ARL15: variants seen among roughly 807,000 people sequenced by gnomAD.
ARL15 encodes ARF like GTPase 15.
A neutral mutation model predicts 25.2 loss-of-function variants in ARL15; 19 were observed. The observed-to-expected ratio is 0.75, with a 90% CI of 0.53 to 1.10. The LOEUF (loss-of-function observed/expected upper bound fraction) is 1.10, where lower values mean the gene tolerates loss of function less well. Among genes scored for constraint, ARL15 ranks in the 50% least tolerant of loss-of-function variants. ARL15 has a pLI of 0.00. For missense variants in ARL15, 220 were observed against 246.0 expected (o/e 0.89, Z 0.71); for synonymous variants, 94 against 86.8 (o/e 1.08, Z -0.46).
chr5:54,136,950 T>C (rs990497010), intron 3 of ARL15, among the ~76,000 whole-genome samples: 3 of 152,030 alleles, frequency 2.0e-5, no homozygotes, highest in African/African-American at 7.2e-5. Context: ...ACTACACTCT[T>C]GCCTGCCAGT....
Position 54,310,532 on chromosome 5 carries a change from G to C in ARL15, c.-53C>G, listed in dbSNP as rs1758871191. On this transcript the variant is annotated 5_prime_UTR_variant, in exon 1 of 5. Transcript: ENST00000504924. ...TCCGAACCCGGAAAAAAAAAGCAGC[G>C]TCTCTGGCTGCGAGCGAGCAGCTCC... 4.5e-6 allele frequency: 7 copies of C among 1,551,552 alleles called. No homozygotes were observed. Among genetic ancestry groups the C allele is most frequent in the Middle Eastern group, 1.7e-4 (1 of 5,916 alleles).
intron 1 of ARL15, among the ~76,000 whole-genome samples, chr5:54,204,367 G>A (rs1244942501): frequency 1.3e-5 from 2 of 152,244 alleles, no homozygotes; most frequent in Non-Finnish European, 2.9e-5. Context: ...CATGTTTTCA[G>A]AAATTAGGAC....
intron 1 of ARL15, among the ~76,000 whole-genome samples, chr5:54,250,439 A>G (rs1757208960): frequency 6.6e-6 from 1 of 152,228 alleles, no homozygotes. Context: ...AGAACAGGAA[A>G]GAGATCAGAT....
chr5:54,308,633 G>T (rs1475791840), intron 1 of ARL15, among the ~76,000 whole-genome samples: 1 of 152,166 alleles, frequency 6.6e-6, no homozygotes, highest in African/African-American at 2.4e-5. Flanking sequence ...AAATTAATCT[G>T]CTTTTAAGGT....
intron 4 of ARL15, among the ~76,000 whole-genome samples, chr5:53,958,103 A>C (rs561505465): frequency 6.6e-6 from 1 of 151,938 alleles, no homozygotes; most frequent in African/African-American, 2.4e-5. Context: ...CCAGCTACTA[A>C]GGAGGCTGAG....
chr5:54,149,490 G>A (rs1023025174), intron 3 of ARL15, among the ~76,000 whole-genome samples: 1 of 152,110 alleles, frequency 6.6e-6, no homozygotes, highest in Admixed American at 6.5e-5. Context: ...TTGAGAGGCG[G>A]CAAAGTGAGA....
At chr5:54,222,703 G>A (rs1579925802) in intron 1 of ARL15, among the ~76,000 whole-genome samples, 3 of 152,210 alleles carry the variant, frequency 2.0e-5, no homozygotes, top group African/African-American at 7.2e-5. Flanking sequence ...GGGTGGAGGA[G>A]CAGTAGGAAA....
chr5:54,123,513 G>A (rs911406030), intron 3 of ARL15, among the ~76,000 whole-genome samples: 7 of 152,172 alleles, frequency 4.6e-5, no homozygotes, highest in African/African-American at 1.7e-4. Flanking sequence ...TCCCCTTTGT[G>A]TTTTGAAATT....
At chr5:54,021,049 T>C (rs1236429984) in intron 4 of ARL15, among the ~76,000 whole-genome samples, 2 of 151,434 alleles carry the variant, frequency 1.3e-5, no homozygotes, top group Admixed American at 6.6e-5. Flanking sequence ...ATAAAAATGG[T>C]TTAGGGCCAG....
At chr5:54,155,684 ACACACACACACACACACACG>A (rs1159126647) in intron 2 of ARL15, among the ~76,000 whole-genome samples, 3 of 151,624 alleles carry the variant, frequency 2.0e-5, no homozygotes, top group East Asian at 3.9e-4. Flanking sequence ...ACCCATTCAC[ACACACACACACACACACACG>A]CACACACACA....
At chr5:54,150,780 G>A (rs963219833) in intron 3 of ARL15, among the ~76,000 whole-genome samples, 23 of 150,544 alleles carry the variant, frequency 1.5e-4, no homozygotes, top group Admixed American at 8.0e-4. Context: ...CCTGGGCAAC[G>A]GAGCAAGACT....
intron 1 of ARL15, among the ~76,000 whole-genome samples, chr5:54,176,901 A>G (rs1259299781): frequency 6.6e-6 from 1 of 152,152 alleles, no homozygotes; most frequent in Non-Finnish European, 1.5e-5. Context: ...TGGCCACCCA[A>G]TATACAGCCC....
At chr5:54,016,625 C>A (rs1749437126) in intron 4 of ARL15, among the ~76,000 whole-genome samples, 1 of 152,166 alleles carries the variant, frequency 6.6e-6, no homozygotes, top group African/African-American at 2.4e-5. Flanking sequence ...GAGTTGCAAA[C>A]ACAGTAAAAT....
chr5:54,208,335 T>G (rs1755929622), intron 1 of ARL15, among the ~76,000 whole-genome samples: 1 of 151,860 alleles, frequency 6.6e-6, no homozygotes, highest in African/African-American at 2.4e-5. Flanking sequence ...AGGAAAAAAT[T>G]TTTTAAACTT....
intron 4 of ARL15, among the ~76,000 whole-genome samples, chr5:53,950,889 C>T (rs1469093967): frequency 1.3e-5 from 2 of 152,214 alleles, no homozygotes; most frequent in Admixed American, 6.5e-5. Flanking sequence ...GACGGGAACA[C>T]TGAGACTAAG....
At chr5:54,157,950 G>GT (rs1265343506) in intron 2 of ARL15, among the ~76,000 whole-genome samples, 11 of 152,112 alleles carry the variant, frequency 7.2e-5, no homozygotes, top group Non-Finnish European at 1.6e-4. Context: ...GAGAAACAAT[G>GT]TTTTTTCTAT....
intron 4 of ARL15, among the ~76,000 whole-genome samples, chr5:54,046,201 C>G (rs1279376967): frequency 6.6e-6 from 1 of 152,154 alleles, no homozygotes; most frequent in Admixed American, 6.5e-5. Flanking sequence ...ATAGAATGGG[C>G]TGGGCGTGGT....
At chr5:54,066,172 T>C (rs983177774) in intron 4 of ARL15, among the ~76,000 whole-genome samples, 2 of 152,216 alleles carry the variant, frequency 1.3e-5, no homozygotes, top group Non-Finnish European at 2.9e-5. Flanking sequence ...CACATCTGTC[T>C]GAGTGCAAAG....
intron 1 of ARL15, among the ~76,000 whole-genome samples, chr5:54,204,866 T>C (rs960041959): frequency 2.0e-4 from 30 of 152,074 alleles, no homozygotes; most frequent in Admixed American, 1.1e-3. Context: ...GCACTGTTTT[T>C]CATGGAAGTA....
Sources: allele counts gnomAD v4.1 joint callset (sites outside exome capture counted in the v4.1 genomes callset), GRCh38; gene constraint gnomAD v4.1.1; transcripts MANE v1.5; gene names NCBI Gene and HGNC (gene_info 2026-07-23, HGNC 2026-07-21).